The following DBT variants were observed in gnomAD, a reference collection of about 807,000 sequenced individuals.
The protein encoded by DBT is lipoamide acyltransferase component of branched-chain alpha-keto acid dehydrogenase complex, mitochondrial.
Under a neutral mutation model 51.3 loss-of-function variants are expected in DBT, and 40 were observed. That is an observed-to-expected ratio of 0.78 (90% CI 0.61 to 1.02). The LOEUF is 1.02. Ranked by LOEUF, DBT falls within the 50% of genes least tolerant of loss-of-function variation. The probability of loss-of-function intolerance (pLI) is 0.00; values close to 1 mark genes in which losing one functional copy is unlikely to be tolerated. For synonymous variants in DBT, 181 were observed against 190.4 expected (o/e 0.95, Z 0.41); for missense variants, 510 against 580.2 (o/e 0.88, Z 1.24).
At position 100,230,660 on chromosome 1, in the gene DBT, T is replaced by G. The variant is rs1385651277; in HGVS notation, c.433+73A>C. On this transcript the variant is annotated intron_variant, in intron 4 of 10. Coordinates refer to ENST00000370132, the MANE Select transcript of DBT (RefSeq NM_001918.5). ...AAAAAAACAAAAAAACAAAGATCACTTTTAATTGGGACCCAATGACAAAAA... is the reference window on the plus strand; with the variant it reads ...AAAAAAACAAAAAAACAAAGATCACGTTTAATTGGGACCCAATGACAAAAA... The G allele has an allele frequency of 6.2e-6, 6 of 975,018 alleles. No individual in the cohort carries two copies. The African/African-American group carries it at 6.6e-5, about 11-fold the overall frequency. 60.4% of individuals were successfully genotyped at this position (975,018 alleles called of 1,614,324 possible). A position where few individuals can be genotyped will look rare whatever the true frequency, so the allele number is the denominator to read the frequency against.
rs1028461413 is a variant in DBT at position 100,235,456 on chromosome 1, T to C, written c.231A>G (p.Arg77=). The part of the protein sequence containing the change: ...FKLSDIGEGI[R]EVTVKEWYVK... The stretch of plus-strand genomic sequence containing the variant: ...CTTACCATTCTTTAACAGTTACTTC[T>C]CTAATCCCTTCTCCAATGTCTGAGA... The change falls in exon 3 of 11, where the codon AGA becomes AGG. Residue 77 remains arginine, a synonymous_variant. Transcript: ENST00000370132. 2 of 1,577,302 alleles carry C rather than the reference T, an allele frequency of 1.3e-6. No homozygotes were observed. Among genetic ancestry groups the C allele is most frequent in the African/African-American group, 2.7e-5 (2 of 74,236 alleles).
chr1:100,213,390 TC>T, intron 7 of DBT: 1 of 1,561,450 alleles, frequency 6.4e-7, no homozygotes, highest in Non-Finnish European at 8.7e-7. Flanking sequence ...TACGGCGCCA[TC>T]CCCGCCGCGC....
Position 100,191,468 on chromosome 1 carries a change from A to G in DBT, c.*4787T>C, listed in dbSNP as rs933474307. 3.3e-5 allele frequency: 5 copies of G among 152,020 alleles called. No homozygotes were observed. Among genetic ancestry groups the G allele is most frequent in the African/African-American group, 1.2e-4 (5 of 41,382 alleles). 9.4% of individuals were successfully genotyped at this position (152,020 alleles called of 1,614,324 possible). On this transcript the variant is annotated 3_prime_UTR_variant, in exon 11 of 11. Transcript: ENST00000370132. Reference sequence around the variant, plus strand: ...ATGTCATTAAAGAACTCTCTTAGAAAAATTCATAATTTAACACGAACTGAG... The same window carrying G: ...ATGTCATTAAAGAACTCTCTTAGAAGAATTCATAATTTAACACGAACTGAG...
At chr1:100,219,088 A>T (rs1426394658) in intron 4 of DBT, among the ~76,000 whole-genome samples, 4 of 152,178 alleles carry the variant, frequency 2.6e-5, no homozygotes, top group African/African-American at 9.7e-5. Context: ...ACAGTGGCTC[A>T]CGCCTGCAAT....
chr1:100,245,332 G>A lies in DBT; in HGVS notation c.51+4438C>T, dbSNP rs142135891. ...CCCAGAATGCTAGGATTACAGGTGT[G>A]AGCCACCACACCCAGCTAGACTAGT... On this transcript the variant is annotated intron_variant, in intron 1 of 10. Transcript: ENST00000370132. Among the ~76,000 whole-genome samples, 399 of 150,622 alleles carry A rather than the reference G, an allele frequency of 2.6e-3. 7 individuals carry two copies. Among genetic ancestry groups the A allele is most frequent in the East Asian group, 0.026 (129 of 4,918 alleles).
At chr1:100,241,891 T>C (rs981891541) in intron 1 of DBT, among the ~76,000 whole-genome samples, 1 of 151,944 alleles carries the variant, frequency 6.6e-6, no homozygotes, top group South Asian at 2.1e-4. Flanking sequence ...CTTGGTGGCA[T>C]GCGCCTGTAG....
In DBT at chr1:100,249,815, A is replaced by T. The variant is rs1240475402; in HGVS notation, c.6T>A (p.Ala2=). The change falls in exon 1 of 11, where the codon GCT becomes GCA. Residue 2 remains alanine, a synonymous_variant. Transcript: ENST00000370132. ...TCCAGGTTCTCAGCATACGGACTGC[A>T]GCCATCTTACCCCGGAAATGACAAC... M[A]AVRMLRTWSR... The T allele has an allele frequency of 1.2e-6, 2 of 1,614,200 alleles. No homozygotes were observed. Among genetic ancestry groups the T allele is most frequent in the Non-Finnish European group, 1.7e-6 (2 of 1,180,020 alleles).
At chr1:100,229,260 C>T (rs562149830) in intron 4 of DBT, among the ~76,000 whole-genome samples, 4 of 152,200 alleles carry the variant, frequency 2.6e-5, no homozygotes, top group East Asian at 1.9e-4. Flanking sequence ...CTCCACCTCC[C>T]GGGTTCAAGC....
At chr1:100,232,908 T>G (rs1157618780) in intron 3 of DBT, among the ~76,000 whole-genome samples, 1 of 152,248 alleles carries the variant, frequency 6.6e-6, no homozygotes, top group East Asian at 1.9e-4. Flanking sequence ...TATAGTGTTT[T>G]AAATTAACAT....
chr1:100,212,820 T>C (rs1046284145), intron 7 of DBT, among the ~76,000 whole-genome samples: 7 of 152,140 alleles, frequency 4.6e-5, no homozygotes, highest in Admixed American at 2.0e-4. Context: ...TACCTTAATA[T>C]GAGGGAGTGA....
chr1:100,243,899 A>T (rs1570851183), intron 1 of DBT, among the ~76,000 whole-genome samples: 1 of 151,456 alleles, frequency 6.6e-6, no homozygotes, highest in South Asian at 2.1e-4. Context: ...ACTTTTTGTA[A>T]TAAGAGGCAT....
At chr1:100,239,386 ACAAAAAAAGAT>A (rs1664075475) in intron 2 of DBT, among the ~76,000 whole-genome samples, 1 of 152,198 alleles carries the variant, frequency 6.6e-6, no homozygotes. Context: ...CTGGGAAGTA[ACAAAAAAAGAT>A]CAACTTTAAA....
intron 8 of DBT, among the ~76,000 whole-genome samples, chr1:100,207,269 G>C (rs1661845534): frequency 6.6e-6 from 1 of 152,062 alleles, no homozygotes; most frequent in Non-Finnish European, 1.5e-5. Context: ...CTTGAAAACT[G>C]ATTTATCACC....
intron 2 of DBT, among the ~76,000 whole-genome samples, chr1:100,237,408 T>C (rs1163325981): frequency 6.6e-6 from 1 of 152,168 alleles, no homozygotes; most frequent in Non-Finnish European, 1.5e-5. Flanking sequence ...AAATGATCAG[T>C]CCTTGTTGCT....
At chr1:100,232,931 C>T (rs1663632913) in intron 3 of DBT, among the ~76,000 whole-genome samples, 1 of 151,820 alleles carries the variant, frequency 6.6e-6, no homozygotes, top group Non-Finnish European at 1.5e-5. Context: ...TAATTGTAAT[C>T]CTCAGGGCAA....
chr1:100,191,503 G>A lies in DBT; in HGVS notation c.*4752C>T, dbSNP rs1289707208. ...TTTAACACGAACTGAGGTGGGATGG[G>A]GTGGGAAGGCAATGCCTTACTTTAC... On this transcript the variant is annotated 3_prime_UTR_variant, in exon 11 of 11. Transcript: ENST00000370132. 1 of 152,004 alleles carries A rather than the reference G, an allele frequency of 6.6e-6. No homozygotes were observed. The highest frequency in any genetic ancestry group is 1.5e-5 in the Non-Finnish European group (1 of 67,996). 9.4% of individuals were successfully genotyped at this position (152,004 alleles called of 1,614,324 possible).
chr1:100,243,095 CT>C (rs1478891450), intron 1 of DBT, among the ~76,000 whole-genome samples: 1 of 151,386 alleles, frequency 6.6e-6, no homozygotes, highest in African/African-American at 2.4e-5. Flanking sequence ...ACGAGACCCC[CT>C]CTCTACTAAA....
At chr1:100,200,624 A>C (rs1363681537) in intron 10 of DBT, among the ~76,000 whole-genome samples, 5 of 152,242 alleles carry the variant, frequency 3.3e-5, no homozygotes, top group Non-Finnish European at 7.3e-5. Flanking sequence ...GACACCTCCC[A>C]GCAGGGAATG....
At position 100,196,386 on chromosome 1, in the gene DBT, T is replaced by C. The variant is rs1384416764; in HGVS notation, c.1318A>G (p.Lys440Glu). The C allele has an allele frequency of 6.2e-7, 1 of 1,605,198 alleles. No individual in the cohort carries two copies. The highest frequency in any genetic ancestry group is 1.1e-5 in the South Asian group (1 of 90,852). The change falls in exon 11 of 11, where the codon AAG becomes GAG. Residue 440 changes from lysine to glutamate, a missense_variant. Lys to Glu is a moderately conservative substitution (Grantham distance 56). Coordinates refer to ENST00000370132, the MANE Select transcript of DBT (RefSeq NM_001918.5). ...CAGCTCACATTCATTATCTGTGCCT[T>C]ATATACTTCTCCTTTCTGGTTAAAT... ...PRFNQKGEVYKAQIMNVSWSA... is the reference protein window; with the variant it reads ...PRFNQKGEVYEAQIMNVSWSA...
Sources: gnomAD v4.1 joint callset for allele counts (sites outside exome capture counted in the v4.1 genomes callset) on GRCh38, gnomAD v4.1.1 for gene constraint, MANE v1.5 for transcripts, NCBI Gene and HGNC (gene_info 2026-07-23, HGNC 2026-07-21) for gene names.